The following AGBL4 variants were observed in gnomAD, a reference collection of about 807,000 sequenced individuals.
AGBL4 encodes AGBL carboxypeptidase 4.
A neutral mutation model predicts 66.4 loss-of-function variants in AGBL4; 58 were observed. The observed-to-expected ratio is 0.87, with a 90% CI of 0.71 to 1.09. The LOEUF is 1.09. Among genes scored for constraint, AGBL4 ranks in the 50% least tolerant of loss-of-function variants. AGBL4 has a pLI of 0.00. For missense variants in AGBL4, 579 were observed against 631.0 expected, an observed-to-expected ratio of 0.92 and a Z score of 0.88; for synonymous variants, 234 against 222.9, an observed-to-expected ratio of 1.05 and a Z score of -0.44.
At chr1:49,922,623 T>C (rs943672286) in intron 1 of AGBL4, among the ~76,000 whole-genome samples, 1 of 152,146 alleles carries the variant, frequency 6.6e-6, no homozygotes, top group Admixed American at 6.6e-5. Context: ...ATATTTTATA[T>C]ACAAAATCAA....
chr1:49,473,569 T>C (rs1169906844), intron 3 of AGBL4, among the ~76,000 whole-genome samples: 2 of 152,020 alleles, frequency 1.3e-5, no homozygotes, highest in African/African-American at 2.4e-5. Flanking sequence ...AAAATTTTTC[T>C]TATTCTGTAG....
At chr1:49,335,194 C>T (rs1043405453) in intron 3 of AGBL4, among the ~76,000 whole-genome samples, 8 of 152,198 alleles carry the variant, frequency 5.3e-5, no homozygotes, top group African/African-American at 1.7e-4. Flanking sequence ...CCATTCACTC[C>T]GTTGCTCAGG....
intron 12 of AGBL4, among the ~76,000 whole-genome samples, chr1:48,535,434 T>C (rs1050967080): frequency 1.3e-5 from 2 of 152,216 alleles, no homozygotes. Flanking sequence ...TGCTCATCTC[T>C]TTCTCTCATG....
intron 11 of AGBL4, among the ~76,000 whole-genome samples, chr1:48,565,689 G>C (rs1644465825): frequency 6.6e-6 from 1 of 152,148 alleles, no homozygotes; most frequent in African/African-American, 2.4e-5. Context: ...ACATCTACCA[G>C]CTGTATGACC....
chr1:49,948,313 T>C (rs1352374950), intron 1 of AGBL4, among the ~76,000 whole-genome samples: 2 of 107,572 alleles, frequency 1.9e-5, no homozygotes, highest in African/African-American at 3.9e-5. Flanking sequence ...TATAAATATA[T>C]ATATAAATAT....
intron 4 of AGBL4, among the ~76,000 whole-genome samples, chr1:49,239,794 C>CT (rs996966585): frequency 8.8e-4 from 134 of 152,112 alleles, no homozygotes; most frequent in African/African-American, 3.1e-3. Context: ...GACAAAAATC[C>CT]TTACCCCTAT....
chr1:49,463,719 G>A (rs1646564936), intron 3 of AGBL4, among the ~76,000 whole-genome samples: 1 of 151,742 alleles, frequency 6.6e-6, no homozygotes, highest in Non-Finnish European at 1.5e-5. Flanking sequence ...AACAAGGGGA[G>A]AGCCACATAT....
At chr1:49,096,254 G>C (rs1340472333) in intron 4 of AGBL4, among the ~76,000 whole-genome samples, 8 of 152,068 alleles carry the variant, frequency 5.3e-5, no homozygotes, top group Non-Finnish European at 1.0e-4. Flanking sequence ...CTGTAAACTA[G>C]TTCAACCATT....
chr1:49,059,830 G>T (rs1289118254), intron 4 of AGBL4, among the ~76,000 whole-genome samples: 3 of 152,166 alleles, frequency 2.0e-5, no homozygotes, highest in African/African-American at 7.2e-5. Context: ...TTTCAGACTT[G>T]CATGGGGCCT....
chr1:49,781,770 G>GT (rs1238067516), intron 2 of AGBL4, among the ~76,000 whole-genome samples: 2 of 152,026 alleles, frequency 1.3e-5, no homozygotes, highest in Non-Finnish European at 2.9e-5. Flanking sequence ...AATTTTTGAA[G>GT]TTTGACATCC....
At chr1:49,901,205 G>T (rs76284823) in intron 1 of AGBL4, among the ~76,000 whole-genome samples, 1 of 152,164 alleles carries the variant, frequency 6.6e-6, no homozygotes, top group Non-Finnish European at 1.5e-5. Flanking sequence ...AATCAGGCAA[G>T]AGAAAGAAAT....
At chr1:48,930,196 T>G (rs1018076331) in intron 5 of AGBL4, among the ~76,000 whole-genome samples, 1 of 152,096 alleles carries the variant, frequency 6.6e-6, no homozygotes, top group South Asian at 2.1e-4. Context: ...ATTAGACACG[T>G]GTAAGGGATT....
intron 3 of AGBL4, among the ~76,000 whole-genome samples, chr1:49,317,757 C>T (rs1054063463): frequency 6.6e-6 from 1 of 151,952 alleles, no homozygotes; most frequent in African/African-American, 2.4e-5. Flanking sequence ...ACATTTGAAA[C>T]ACCCCTTTCA....
At chr1:48,651,416 T>A (rs1051294069) in intron 8 of AGBL4, among the ~76,000 whole-genome samples, 1 of 152,114 alleles carries the variant, frequency 6.6e-6, no homozygotes, top group Non-Finnish European at 1.5e-5. Context: ...AGACAGCAGA[T>A]GATGACATAA....
rs77230600 is a variant in AGBL4, at chr1:49,328,709, T to C, written c.283-82845A>G. On this transcript the variant is annotated intron_variant, in intron 3 of 13. Transcript: ENST00000371839. Reference sequence around the variant, plus strand: ...AGTGCCTTAAGTCCATGTGCTTACCTATCTCATTTTAGTTCCAACTATTCC... The same window carrying C: ...AGTGCCTTAAGTCCATGTGCTTACCCATCTCATTTTAGTTCCAACTATTCC... Among the ~76,000 whole-genome samples, 85 of 152,324 alleles carry C rather than the reference T, an allele frequency of 5.6e-4. No homozygotes were observed. The East Asian group carries it at 0.011, about 19-fold the overall frequency.
intron 1 of AGBL4, among the ~76,000 whole-genome samples, chr1:49,959,322 G>A (rs371779246): frequency 2.0e-5 from 3 of 152,086 alleles, no homozygotes; most frequent in South Asian, 4.1e-4. Context: ...CAAGGATTTC[G>A]CAGGTAAAAA....
chr1:49,825,910 A>G (rs1645497123), intron 2 of AGBL4, among the ~76,000 whole-genome samples: 1 of 152,080 alleles, frequency 6.6e-6, no homozygotes, highest in Non-Finnish European at 1.5e-5. Context: ...ACCCTGACAA[A>G]CATACTAAAG....
At chr1:49,530,583 A>T (rs970567815) in intron 3 of AGBL4, among the ~76,000 whole-genome samples, 1 of 152,040 alleles carries the variant, frequency 6.6e-6, no homozygotes, top group Non-Finnish European at 1.5e-5. Flanking sequence ...TCTTAAAATC[A>T]CATGGTATTT....
chr1:48,911,633 A>C (rs1653118246), intron 5 of AGBL4, among the ~76,000 whole-genome samples: 1 of 152,030 alleles, frequency 6.6e-6, no homozygotes, highest in African/African-American at 2.4e-5. Context: ...AAAAAAAAAA[A>C]AAAAAATCAT....
Sources: gnomAD v4.1 joint callset for allele counts (sites outside exome capture counted in the v4.1 genomes callset) on GRCh38, gnomAD v4.1.1 for gene constraint, MANE v1.5 for transcripts, NCBI Gene and HGNC (gene_info 2026-07-23, HGNC 2026-07-21) for gene names.